PLEKHA3: variants seen among roughly 807,000 people sequenced by gnomAD.
PLEKHA3 encodes pleckstrin homology domain containing A3.
Under a neutral mutation model 39.2 loss-of-function variants are expected in PLEKHA3, and 19 were observed. The ratio of observed to expected loss-of-function variants is 0.48; its 90% CI spans 0.34 to 0.71. The LOEUF (loss-of-function observed/expected upper bound fraction) is 0.71, where lower values mean the gene tolerates loss of function less well. PLEKHA3 is among the 30% of genes least tolerant of loss of function. PLEKHA3 has a pLI of 0.01. For missense variants in PLEKHA3, 253 were observed against 359.5 expected, an observed-to-expected ratio of 0.70 and a Z score of 2.40; for synonymous variants, 97 against 118.6, an observed-to-expected ratio of 0.82 and a Z score of 1.18.
chr2:178,501,227 T>A, intron 7 of PLEKHA3, 51 bp downstream of exon 7: 2 of 1,275,644 alleles, frequency 1.6e-6, no homozygotes, highest in Non-Finnish European at 2.3e-6. Context: ...GCAAAATTAC[T>A]GTGGGGCTCT....
intron 5 of PLEKHA3, among the ~76,000 whole-genome samples, chr2:178,498,671 GTTC>G (rs370263439): frequency 2.6e-5 from 4 of 151,754 alleles, no homozygotes; most frequent in Admixed American, 6.6e-5. Context: ...GAGACTTAGG[GTTC>G]TTCTTCTGAG....
In PLEKHA3 at chr2:178,515,465, G is replaced by C. The variant is rs996521530; in HGVS notation, c.*11578G>C. The C allele has an allele frequency of 1.3e-5, 2 of 151,976 alleles. No individual in the cohort carries two copies. Among genetic ancestry groups the C allele is most frequent in the Non-Finnish European group, 2.9e-5 (2 of 67,988 alleles). The allele number at this position is 151,976 out of a possible 1,614,324, so 9.4% of individuals were successfully genotyped here. On this transcript the variant is annotated 3_prime_UTR_variant, in exon 8 of 8. Transcript: ENST00000234453. ...TCACTTTATCTTTTTCTCCAGTTTT[G>C]ATAGATGATTATAGAGTTCCCCAAA...
At chr2:178,494,601 GGAATCTTGTGTAA>G (rs1188399397) in intron 4 of PLEKHA3, among the ~76,000 whole-genome samples, 2 of 152,170 alleles carry the variant, frequency 1.3e-5, no homozygotes, top group African/African-American at 4.8e-5. Flanking sequence ...CTGTTGGGGA[GGAATCTTGTGTAA>G]GAAGCCCAAG....
chr2:178,487,635 C>A (rs73036330), intron 2 of PLEKHA3, among the ~76,000 whole-genome samples: 3,094 of 152,128 alleles, frequency 0.02, 99 homozygotes, highest in African/African-American at 0.07. Flanking sequence ...GATGGGATTT[C>A]ACCGTGTTGC....
At chr2:178,496,956 A>G (rs566805061) in intron 5 of PLEKHA3, among the ~76,000 whole-genome samples, 1 of 151,840 alleles carries the variant, frequency 6.6e-6, no homozygotes, top group African/African-American at 2.4e-5. Context: ...AAGTTTTTAA[A>G]TTTATTTTTT....
rs1685734189 is a variant in PLEKHA3 at position 178,514,633 on chromosome 2, A to C, written c.*10746A>C. ...TAATAGTGCCTTCATGAATTCAAAG[A>C]CCCTTGTCACATGGTGCTCAGGAAA... On this transcript the variant is annotated 3_prime_UTR_variant, in exon 8 of 8. Transcript: ENST00000234453. The C allele has an allele frequency of 6.6e-6, 1 of 150,604 alleles. No individual in the cohort carries two copies. The highest frequency in any genetic ancestry group is 1.5e-5 in the Non-Finnish European group (1 of 67,732). 9.3% of individuals were successfully genotyped at this position (150,604 alleles called of 1,614,324 possible).
rs1008142522 is a variant in PLEKHA3 at position 178,508,759 on chromosome 2, C to T, written c.*4872C>T. On this transcript the variant is annotated 3_prime_UTR_variant, in exon 8 of 8. Transcript: ENST00000234453. ...TTTTACTTAATCCCTCTATCTTCAT[C>T]CTCTCTCATGCCCATCCGGCCCCAC... The T allele has an allele frequency of 6.5e-6, 1 of 153,708 alleles. No homozygotes were observed. The highest frequency in any genetic ancestry group is 1.5e-5 in the Non-Finnish European group (1 of 68,040). 9.5% of individuals were successfully genotyped at this position (153,708 alleles called of 1,614,324 possible).
At chr2:178,484,301 G>A (rs575394015) in intron 1 of PLEKHA3, among the ~76,000 whole-genome samples, 8 of 152,264 alleles carry the variant, frequency 5.3e-5, no homozygotes, top group African/African-American at 1.9e-4. Context: ...GGAATACTCT[G>A]TTGTTTCATA....
rs567676689 is a variant in PLEKHA3 at position 178,501,402 on chromosome 2, C to T, written c.775+226C>T. Among the ~76,000 whole-genome samples the T allele has an allele frequency of 3.9e-5, 6 of 152,026 alleles. No individual in the cohort carries two copies. The East Asian group carries it at 7.7e-4, about 20-fold the overall frequency. ...GTGCTGAGGATTGCTTTGTAAATAT[C>T]GTATCTCAGATATATATTTATAGAA... On this transcript the variant is annotated intron_variant, in intron 7 of 7. Coordinates refer to ENST00000234453, the MANE Select transcript of PLEKHA3 (RefSeq NM_019091.4).
In PLEKHA3 at chr2:178,480,541, G is replaced by T; in HGVS notation, c.-329G>T. ...GGAAGGCAGGCGAGGAAGAGGCAGC[G>T]CCGGGGCGCCGGAGGGAGCAGCCGG... On this transcript the variant is annotated 5_prime_UTR_variant, in exon 1 of 8. Coordinates refer to ENST00000234453, the MANE Select transcript of PLEKHA3 (RefSeq NM_019091.4). 1 of 209,708 alleles carries T rather than the reference G, an allele frequency of 4.8e-6. No homozygotes were observed. The highest frequency in any genetic ancestry group is 9.5e-6 in the Non-Finnish European group (1 of 105,574). 13.0% of individuals were successfully genotyped at this position (209,708 alleles called of 1,614,324 possible).
Position 178,515,185 on chromosome 2 carries a change from G to GT in PLEKHA3, c.*11303dup, listed in dbSNP as rs1685744810. On this transcript the variant is annotated 3_prime_UTR_variant, in exon 8 of 8. Transcript: ENST00000234453. ...GGCAGTGGATATAGTCTTAGATGAT[G>GT]TTTTTAATAGTTCAAGTCCATTAGT... The GT allele has an allele frequency of 6.7e-6, 1 of 148,880 alleles. No individual in the cohort carries two copies. The highest frequency in any genetic ancestry group is 2.1e-4 in the South Asian group (1 of 4,726). The allele number at this position is 148,880 out of a possible 1,614,324, so 9.2% of individuals were successfully genotyped here.
At chr2:178,493,002 C>T (rs948423976) in intron 3 of PLEKHA3, among the ~76,000 whole-genome samples, 32 of 152,122 alleles carry the variant, frequency 2.1e-4, no homozygotes, top group African/African-American at 7.5e-4. Flanking sequence ...AGATTAAATG[C>T]GCAGATAGAG....
rs1028496038 is a variant in PLEKHA3 at position 178,480,621 on chromosome 2, G to GGCC, written c.-238_-236dup. ...GCGGGCGCATTTTTGCCGTTGTCGC[G>GGCC]GCCGCCGCCGCCGAGGCTTACCCGG... is the stretch of plus-strand genomic sequence containing the variant. On this transcript the variant is annotated 5_prime_UTR_variant, in exon 1 of 8. Transcript: ENST00000234453. 3.2e-6 allele frequency: 1 copy of GGCC among 308,130 alleles called. No individual in the cohort carries two copies. The allele number at this position is 308,130 out of a possible 1,614,324, so 19.1% of individuals were successfully genotyped here. A position where few individuals can be genotyped will look rare whatever the true frequency, so the allele number is the denominator to read the frequency against.
rs200778566 is a variant in PLEKHA3 at position 178,480,933 on chromosome 2, G to A, written c.40+24G>A. 6 of 1,307,644 alleles carry A rather than the reference G, an allele frequency of 4.6e-6. No homozygotes were observed. The East Asian group carries it at 1.4e-4, about 31-fold the overall frequency. 81.0% of individuals were successfully genotyped at this position (1,307,644 alleles called of 1,614,324 possible). ...AGGTATGGGGGCTCGTGTGATGAGGGAAGAGGGGAGAGGCGGGGGGCTGCT... is the reference window on the plus strand; with the variant it reads ...AGGTATGGGGGCTCGTGTGATGAGGAAAGAGGGGAGAGGCGGGGGGCTGCT... On this transcript the variant is annotated intron_variant, in intron 1 of 7. Transcript: ENST00000234453.
chr2:178,495,244 AG>A (rs1446900183), intron 4 of PLEKHA3, among the ~76,000 whole-genome samples: 9 of 152,184 alleles, frequency 5.9e-5, no homozygotes, highest in Admixed American at 5.9e-4. Flanking sequence ...TTAAATGCAA[AG>A]CTTATTTTTT....
At position 178,514,386 on chromosome 2, in the gene PLEKHA3, C is replaced by T. The variant is rs1685730484; in HGVS notation, c.*10499C>T. On this transcript the variant is annotated 3_prime_UTR_variant, in exon 8 of 8. Transcript: ENST00000234453. ...GAGAATATAGGGCAATGGGTATATTCTAACTTTGCATAACTTTGCTAGATT... is the reference window on the plus strand; with the variant it reads ...GAGAATATAGGGCAATGGGTATATTTTAACTTTGCATAACTTTGCTAGATT... 6.6e-6 allele frequency: 1 copy of T among 152,120 alleles called. No individual in the cohort carries two copies. The highest frequency in any genetic ancestry group is 1.5e-5 in the Non-Finnish European group (1 of 68,014). The allele number at this position is 152,120 out of a possible 1,614,324, so 9.4% of individuals were successfully genotyped here.
At chr2:178,493,188 G>A (rs1484063224) in intron 3 of PLEKHA3, among the ~76,000 whole-genome samples, 1 of 152,128 alleles carries the variant, frequency 6.6e-6, no homozygotes, top group Non-Finnish European at 1.5e-5. Context: ...TGAGATTATG[G>A]CTGGATGTTT....
At chr2:178,496,459 G>A (rs1483854801) in intron 5 of PLEKHA3, among the ~76,000 whole-genome samples, 1 of 152,180 alleles carries the variant, frequency 6.6e-6, no homozygotes, top group Non-Finnish European at 1.5e-5. Context: ...CTATTTGTTA[G>A]GAGAATAGGG....
In PLEKHA3 at chr2:178,508,841, G is replaced by T. The variant is rs1685641738; in HGVS notation, c.*4954G>T. ...AGGTTCAGTTTTTCCTGTCAGTGGAGGTTGAGGGTGGGGCGTAGGCTGGCT... is the reference window on the plus strand; with the variant it reads ...AGGTTCAGTTTTTCCTGTCAGTGGATGTTGAGGGTGGGGCGTAGGCTGGCT... On this transcript the variant is annotated 3_prime_UTR_variant, in exon 8 of 8. Transcript: ENST00000234453. The T allele has an allele frequency of 6.5e-6, 1 of 153,844 alleles. No homozygotes were observed. The highest frequency in any genetic ancestry group is 1.5e-5 in the Non-Finnish European group (1 of 68,118). The allele number at this position is 153,844 out of a possible 1,614,324, so 9.5% of individuals were successfully genotyped here. A position where few individuals can be genotyped will look rare whatever the true frequency, so the allele number is the denominator to read the frequency against.
Sources: allele counts gnomAD v4.1 joint callset (sites outside exome capture counted in the v4.1 genomes callset), GRCh38; gene constraint gnomAD v4.1.1; transcripts MANE v1.5; gene names NCBI Gene and HGNC (gene_info 2026-07-23, HGNC 2026-07-21).